Variants in SLC35F4 observed in about 807,000 individuals in gnomAD.
SLC35F4 encodes the protein chromosome 14 open reading frame 36.
SLC35F4 carries 24 observed loss-of-function variants against 44.2 expected under a neutral mutation model. The observed-to-expected ratio is 0.54, with a 90% confidence interval of 0.39 to 0.76. SLC35F4 has a LOEUF of 0.76. SLC35F4 is among the 30% of genes least tolerant of loss of function. SLC35F4 has a pLI of 0.00. For missense variants in SLC35F4, 562 were observed against 586.1 expected (o/e 0.96, Z 0.42); for synonymous variants, 238 against 223.6 (o/e 1.06, Z -0.57).
chr14:57,718,598 G>A (rs1305525738), intron 1 of SLC35F4, among the ~76,000 whole-genome samples: 1 of 152,186 alleles, frequency 6.6e-6, no homozygotes, highest in Non-Finnish European at 1.5e-5. Flanking sequence ...GATCAATAAT[G>A]TTGAGCACTT....
At chr14:57,588,901 T>C (rs1325849634) in intron 3 of SLC35F4, among the ~76,000 whole-genome samples, 1 of 152,218 alleles carries the variant, frequency 6.6e-6, no homozygotes, top group Non-Finnish European at 1.5e-5. Context: ...GTGTATAACA[T>C]TGAATGAGTC....
chr14:57,887,054 C>G (rs763930311), intron 1 of SLC35F4, among the ~76,000 whole-genome samples: 1 of 152,188 alleles, frequency 6.6e-6, no homozygotes, highest in Non-Finnish European at 1.5e-5. Context: ...TGCTAAAGGT[C>G]TGTATGCACA....
intron 1 of SLC35F4, among the ~76,000 whole-genome samples, chr14:57,649,936 C>T (rs755423244): frequency 6.6e-6 from 1 of 151,866 alleles, no homozygotes; most frequent in Non-Finnish European, 1.5e-5. Flanking sequence ...TGTCTCAACG[C>T]CTTCCTTCAT....
intron 1 of SLC35F4, among the ~76,000 whole-genome samples, chr14:57,952,119 C>A (rs1254854637): frequency 6.6e-6 from 1 of 152,184 alleles, no homozygotes; most frequent in Admixed American, 6.5e-5. Flanking sequence ...GTTTTGCAGC[C>A]TTCGCTGGTG....
intron 1 of SLC35F4, among the ~76,000 whole-genome samples, chr14:57,803,089 C>T (rs1180100785): frequency 6.6e-6 from 1 of 151,514 alleles, no homozygotes; most frequent in Non-Finnish European, 1.5e-5. Context: ...AGCAGCACAT[C>T]AAAAAGCTTA....
intron 1 of SLC35F4, chr14:57,604,028 C>T (rs891234174): frequency 1.3e-5 from 2 of 152,206 alleles, no homozygotes; most frequent in African/African-American, 4.8e-5. Flanking sequence ...CCTGTAAAAG[C>T]CCAATGGTAG....
intron 1 of SLC35F4, among the ~76,000 whole-genome samples, chr14:57,844,449 T>C (rs1334716814): frequency 6.6e-6 from 1 of 152,204 alleles, no homozygotes; most frequent in Non-Finnish European, 1.5e-5. Flanking sequence ...TTCCAATGAT[T>C]TAAATCATAG....
At chr14:57,728,818 T>C (rs1164985039) in intron 1 of SLC35F4, among the ~76,000 whole-genome samples, 1 of 152,308 alleles carries the variant, frequency 6.6e-6, no homozygotes, top group East Asian at 1.9e-4. Context: ...ATTCAAGAAC[T>C]CCCTTTAGCA....
intron 1 of SLC35F4, among the ~76,000 whole-genome samples, chr14:57,937,627 AAAGAAAAG>A (rs766429079): frequency 3.1e-5 from 4 of 129,346 alleles, no homozygotes; most frequent in Non-Finnish European, 5.0e-5. Flanking sequence ...AAAGAAAAGA[AAAGAAAAG>A]AAAAGAAAAG....
chr14:57,936,947 T>G (rs984094132), intron 1 of SLC35F4, among the ~76,000 whole-genome samples: 20 of 152,284 alleles, frequency 1.3e-4, no homozygotes, highest in African/African-American at 4.6e-4. Context: ...CATATTGGTG[T>G]ATGATGAAAT....
At chr14:57,565,987 G>A (rs2068186559) in intron 7 of SLC35F4, among the ~76,000 whole-genome samples, 1 of 152,096 alleles carries the variant, frequency 6.6e-6, no homozygotes, top group Admixed American at 6.6e-5. Context: ...AGCTTCTCTT[G>A]TCCCTGAGGT....
intron 1 of SLC35F4, among the ~76,000 whole-genome samples, chr14:57,772,153 T>C (rs1229933878): frequency 1.3e-5 from 2 of 152,208 alleles, no homozygotes; most frequent in Admixed American, 6.5e-5. Flanking sequence ...TTTTAGCCAC[T>C]TTTTCACTGT....
At chr14:57,669,379 TG>T (rs1326637882) in intron 1 of SLC35F4, among the ~76,000 whole-genome samples, 23 of 152,002 alleles carry the variant, frequency 1.5e-4, no homozygotes, top group African/African-American at 5.1e-4. Flanking sequence ...TGAATAGGAG[TG>T]GTGAGAGAGG....
At chr14:57,975,900 GT>G (rs767624186), downstream of SLC35F4, among the ~76,000 whole-genome samples, 2 of 152,202 alleles carry the variant, frequency 1.3e-5, no homozygotes, top group Non-Finnish European at 2.9e-5. Context: ...TATCATACTG[GT>G]CAGCAAGACT....
At chr14:57,663,037 C>T (rs1338872149) in intron 1 of SLC35F4, among the ~76,000 whole-genome samples, 1 of 152,164 alleles carries the variant, frequency 6.6e-6, no homozygotes, top group Non-Finnish European at 1.5e-5. Context: ...TCCCTGATTG[C>T]TTCATGTCTA....
At chr14:57,601,256 G>T (rs547076888) in intron 1 of SLC35F4, among the ~76,000 whole-genome samples, 1 of 151,976 alleles carries the variant, frequency 6.6e-6, no homozygotes, top group East Asian at 1.9e-4. Context: ...TTTTGAGGAT[G>T]TAAATCTGAA....
intron 1 of SLC35F4, among the ~76,000 whole-genome samples, chr14:57,834,355 T>C (rs983748023): frequency 6.6e-6 from 1 of 152,258 alleles, no homozygotes; most frequent in Non-Finnish European, 1.5e-5. Context: ...TCATTCCTTC[T>C]ACTTTGTACA....
At chr14:57,718,623 T>C (rs1006915526) in intron 1 of SLC35F4, among the ~76,000 whole-genome samples, 1 of 152,240 alleles carries the variant, frequency 6.6e-6, no homozygotes, top group African/African-American at 2.4e-5. Context: ...ATATGCCTGT[T>C]TGCCATTTGC....
At chr14:57,872,127 C>T (rs912056743) in intron 1 of SLC35F4, among the ~76,000 whole-genome samples, 2 of 152,294 alleles carry the variant, frequency 1.3e-5, no homozygotes, top group Admixed American at 6.5e-5. Flanking sequence ...CCAGAATACA[C>T]GTTCAATACA....
Sources: gnomAD v4.1 joint callset for allele counts (sites outside exome capture counted in the v4.1 genomes callset) on GRCh38, gnomAD v4.1.1 for gene constraint, MANE v1.5 for transcripts, NCBI Gene and HGNC (gene_info 2026-07-23, HGNC 2026-07-21) for gene names.